DMD: variants seen among roughly 807,000 people sequenced by gnomAD.
DMD encodes the protein dystrophin.
In DMD, 63 loss-of-function variants were observed where a neutral mutation model predicts 330.1. That is an observed-to-expected ratio of 0.19 (90% CI 0.16 to 0.24). The LOEUF (loss-of-function observed/expected upper bound fraction) is 0.24. DMD is among the 10% of genes least tolerant of loss of function. DMD has a pLI of 1.00. For missense variants in DMD, 3,344 were observed against 2,684.1 expected, an observed-to-expected ratio of 1.25 and a Z score of -5.43; for synonymous variants, 1,223 against 959.8, an observed-to-expected ratio of 1.27 and a Z score of -5.07.
chrX:32,468,015 A>T (rs1384335179), intron 23 of DMD, among the ~76,000 whole-genome samples: 1 of 110,470 alleles, frequency 9.1e-6, no homozygotes, highest in Admixed American at 9.8e-5. Context: ...ACATATAGAC[A>T]GCATAGTTGA....
At chrX:32,270,795 C>A in intron 43 of DMD, among the ~76,000 whole-genome samples, 1 of 111,480 alleles carries the variant, frequency 9.0e-6, no homozygotes, top group East Asian at 2.8e-4. Context: ...GGTCAACCTA[C>A]AGTCAGATTC....
intron 55 of DMD, among the ~76,000 whole-genome samples, chrX:31,509,575 C>G (rs1476283333): frequency 1.8e-5 from 2 of 111,610 alleles, no homozygotes; most frequent in African/African-American, 3.3e-5. Context: ...AAATTTATAT[C>G]CTACATTGAT....
chrX:32,910,733 G>A (rs1313979679), intron 2 of DMD, among the ~76,000 whole-genome samples: 5 of 111,816 alleles, frequency 4.5e-5, no homozygotes, highest in African/African-American at 1.3e-4. Context: ...GAGCCACCGC[G>A]CCCCGCCCTA....
chrX:31,272,212 G>A (rs1373605368), intron 62 of DMD, among the ~76,000 whole-genome samples: 3 of 111,680 alleles, frequency 2.7e-5, no homozygotes, highest in Non-Finnish European at 5.6e-5. Flanking sequence ...ATATCAAGCC[G>A]AACATCTAAA....
chrX:31,433,206 T>C (rs1283709186), intron 60 of DMD, among the ~76,000 whole-genome samples: 1 of 111,981 alleles, frequency 8.9e-6, no homozygotes, highest in Admixed American at 9.5e-5. Context: ...GTTCCAACCA[T>C]GTTGCTACAG....
chrX:31,830,936 T>C (rs2093014125), intron 49 of DMD, among the ~76,000 whole-genome samples: 1 of 112,157 alleles, frequency 8.9e-6, no homozygotes, highest in Admixed American at 9.4e-5. Flanking sequence ...CCTACTTTAA[T>C]CTCATCTTCT....
intron 16 of DMD, among the ~76,000 whole-genome samples, chrX:32,564,988 A>C (rs938512390): frequency 8.9e-6 from 1 of 111,894 alleles, no homozygotes; most frequent in Non-Finnish European, 1.9e-5. Context: ...TAATGTTTAT[A>C]TCTTGAATGA....
chrX:31,463,220 G>A (rs1319230201), intron 59 of DMD, among the ~76,000 whole-genome samples: 5 of 111,629 alleles, frequency 4.5e-5, no homozygotes, highest in Admixed American at 2.9e-4. Flanking sequence ...CACTGCTCTC[G>A]GAAGATGCTT....
chrX:32,703,067 C>T (rs2064278369), intron 7 of DMD, among the ~76,000 whole-genome samples: 1 of 111,440 alleles, frequency 9.0e-6, no homozygotes, highest in Admixed American at 9.6e-5. Flanking sequence ...CCTTCTGAAA[C>T]TTTGCCAGAG....
intron 49 of DMD, among the ~76,000 whole-genome samples, chrX:31,831,731 T>G (rs2093039632): frequency 9.0e-6 from 1 of 110,915 alleles, no homozygotes; most frequent in Non-Finnish European, 1.9e-5. Flanking sequence ...CCCGAGTAGC[T>G]GGGACTACAG....
At chrX:31,296,239 G>A (rs1401900288) in intron 62 of DMD, among the ~76,000 whole-genome samples, 2 of 111,041 alleles carry the variant, frequency 1.8e-5, no homozygotes, top group East Asian at 5.7e-4. Context: ...CTGAATGATT[G>A]CTCTATAATT....
chrX:32,803,166 G>A (rs1224983996), intron 7 of DMD, among the ~76,000 whole-genome samples: 1 of 111,358 alleles, frequency 9.0e-6, no homozygotes, highest in African/African-American at 3.3e-5. Flanking sequence ...TTCTATTCAG[G>A]GATTTGACTT....
chrX:32,086,017 T>A (rs971121040), intron 44 of DMD, among the ~76,000 whole-genome samples: 1 of 112,120 alleles, frequency 8.9e-6, no homozygotes, highest in Non-Finnish European at 1.9e-5. Flanking sequence ...AAATGATTGT[T>A]TAATAACTAC....
At chrX:32,046,274 C>G (rs2096063996) in intron 44 of DMD, among the ~76,000 whole-genome samples, 1 of 112,467 alleles carries the variant, frequency 8.9e-6, no homozygotes, top group South Asian at 3.6e-4. Context: ...GACCATTTTT[C>G]TCCATTTTGA....
At chrX:32,082,898 C>T (rs1359048886) in intron 44 of DMD, among the ~76,000 whole-genome samples, 1 of 111,857 alleles carries the variant, frequency 8.9e-6, no homozygotes, top group Non-Finnish European at 1.9e-5. Flanking sequence ...TATACCTGCT[C>T]TTGATGGAAG....
Position 31,348,608 on chromosome X carries a change from C to T in DMD, c.9111G>A (p.Gln3037=), listed in dbSNP as rs946146600. Residue 3037 remains glutamine, a synonymous_variant, in exon 61 of 79, where the codon CAG becomes CAA. Transcript: ENST00000357033. The part of the protein sequence containing the change: ...LQVAVEDRVR[Q]LHEAHRDFGP... ...CAAAGTCCCTGTGGGCTTCATGCAG[C>T]TGCCTGACTCGGTCCTCGACGGCCA... 1 of 1,210,867 alleles carries T rather than the reference C, an allele frequency of 8.3e-7. No individual in the cohort carries two copies. The highest frequency in any genetic ancestry group is 1.1e-6 in the Non-Finnish European group (1 of 895,005).
intron 2 of DMD, among the ~76,000 whole-genome samples, chrX:32,857,205 C>A (rs1277366324): frequency 8.9e-6 from 1 of 112,298 alleles, no homozygotes; most frequent in Non-Finnish European, 1.9e-5. Flanking sequence ...CTATTTACCC[C>A]CTAAATATAC....
intron 43 of DMD, among the ~76,000 whole-genome samples, chrX:32,280,446 A>G (rs2097416112): frequency 9.1e-6 from 1 of 110,186 alleles, no homozygotes; most frequent in African/African-American, 3.3e-5. Flanking sequence ...CTCAGAAACC[A>G]ACAGTAAGTA....
At chrX:31,494,210 A>G (rs865825187) in intron 57 of DMD, among the ~76,000 whole-genome samples, 1 of 109,381 alleles carries the variant, frequency 9.1e-6, no homozygotes, top group African/African-American at 3.3e-5. Flanking sequence ...TGGAAGGCTG[A>G]AGGCTGGTCA....
Sources: allele counts gnomAD v4.1 joint callset (sites outside exome capture counted in the v4.1 genomes callset), GRCh38; gene constraint gnomAD v4.1.1; transcripts MANE v1.5; gene names NCBI Gene and HGNC (gene_info 2026-07-23, HGNC 2026-07-21).